The following FGF14 variants were observed in gnomAD, a reference collection of about 807,000 sequenced individuals.
FGF14 encodes fibroblast growth factor 14, also known as fibroblast growth factor homologous factor 4.
A neutral mutation model predicts 25.5 loss-of-function variants in FGF14; 5 were observed. The ratio of observed to expected loss-of-function variants is 0.20; its 90% CI spans 0.10 to 0.41. FGF14 has a LOEUF of 0.41. Among genes scored for constraint, FGF14 ranks in the 10% least tolerant of loss-of-function variants. FGF14 has a pLI of 1.00. For missense variants in FGF14, 222 were observed against 320.1 expected, an observed-to-expected ratio of 0.69 and a Z score of 2.34; for synonymous variants, 138 against 118.3, an observed-to-expected ratio of 1.17 and a Z score of -1.08.
intron 3 of FGF14, among the ~76,000 whole-genome samples, chr13:101,761,858 C>T (rs2038051179): frequency 6.6e-6 from 1 of 152,188 alleles, no homozygotes; most frequent in Non-Finnish European, 1.5e-5. Flanking sequence ...AGTTCATAAT[C>T]TAATGGCTTA....
chr13:102,115,315 T>C (rs1234312440), intron 1 of FGF14, among the ~76,000 whole-genome samples: 1 of 152,180 alleles, frequency 6.6e-6, no homozygotes, highest in Non-Finnish European at 1.5e-5. Context: ...GAAGGCTTTA[T>C]CATATCCATA....
intron 1 of FGF14, among the ~76,000 whole-genome samples, chr13:102,319,287 C>A (rs2056153875): frequency 6.6e-6 from 1 of 152,174 alleles, no homozygotes; most frequent in Admixed American, 6.5e-5. Flanking sequence ...CATCTAGATG[C>A]ATGAATCCAT....
chr13:101,829,272 A>G (rs938981000), intron 3 of FGF14, among the ~76,000 whole-genome samples: 3 of 152,176 alleles, frequency 2.0e-5, no homozygotes, highest in Non-Finnish European at 1.5e-5. Context: ...GATGTCAAAG[A>G]GCAGGGTAAT....
intron 3 of FGF14, among the ~76,000 whole-genome samples, chr13:101,744,843 C>T (rs952327116): frequency 6.6e-5 from 10 of 151,904 alleles, no homozygotes; most frequent in African/African-American, 2.4e-4. Context: ...GAGTGGCTAC[C>T]TTGTGCTAGA....
intron 3 of FGF14, among the ~76,000 whole-genome samples, chr13:101,755,711 G>A (rs543299188): frequency 1.3e-5 from 2 of 152,258 alleles, no homozygotes; most frequent in East Asian, 3.9e-4. Flanking sequence ...CATCTGATTA[G>A]TCTGCAACTG....
intron 1 of FGF14, among the ~76,000 whole-genome samples, chr13:102,127,497 T>C (rs902316003): frequency 1.4e-5 from 2 of 147,348 alleles, no homozygotes; most frequent in Admixed American, 6.8e-5. Context: ...ACTCTTCTTA[T>C]TCTGTAAGAG....
intron 1 of FGF14, among the ~76,000 whole-genome samples, chr13:102,381,500 C>T (rs111959642): frequency 0.031 from 4,667 of 152,182 alleles, 243 homozygotes; most frequent in African/African-American, 0.11. Flanking sequence ...GAGAGCAAGC[C>T]CTCACCAGAC....
intron 1 of FGF14, among the ~76,000 whole-genome samples, chr13:101,940,250 T>C (rs1295891694): frequency 6.6e-6 from 1 of 152,136 alleles, no homozygotes; most frequent in Non-Finnish European, 1.5e-5. Flanking sequence ...AAGAACAGTG[T>C]TTTAAAAGGG....
At chr13:101,980,331 T>C (rs1367686260) in intron 1 of FGF14, among the ~76,000 whole-genome samples, 1 of 137,368 alleles carries the variant, frequency 7.3e-6, no homozygotes, top group East Asian at 2.5e-4. Context: ...TATTATTTAT[T>C]ACCAGAAAAT....
intron 1 of FGF14, among the ~76,000 whole-genome samples, chr13:102,034,494 C>T (rs547403518): frequency 6.6e-6 from 1 of 152,080 alleles, no homozygotes; most frequent in Non-Finnish European, 1.5e-5. Context: ...CATCTTCCTC[C>T]CATCTAATCC....
At chr13:101,767,181 GAATT>G (rs1291324295) in intron 3 of FGF14, among the ~76,000 whole-genome samples, 3 of 152,114 alleles carry the variant, frequency 2.0e-5, no homozygotes, top group African/African-American at 7.2e-5. Flanking sequence ...ATGTGATGAT[GAATT>G]AATATACACT....
intron 1 of FGF14, among the ~76,000 whole-genome samples, chr13:101,949,450 C>T (rs1407782): frequency 0.021 from 3,245 of 152,152 alleles, 97 homozygotes; most frequent in African/African-American, 0.074. Context: ...AGGGGCTGAA[C>T]GAGTGGTTCT....
intron 1 of FGF14, among the ~76,000 whole-genome samples, chr13:102,235,113 C>T (rs1476612476): frequency 6.6e-6 from 1 of 152,194 alleles, no homozygotes; most frequent in East Asian, 1.9e-4. Flanking sequence ...ACAAAGTCTA[C>T]TGCATATATG....
intron 3 of FGF14, among the ~76,000 whole-genome samples, chr13:101,810,689 A>G (rs1215641422): frequency 2.6e-5 from 4 of 152,216 alleles, no homozygotes; most frequent in Admixed American, 1.3e-4. Context: ...TTTGACATCA[A>G]TAACCAACCC....
intron 1 of FGF14, among the ~76,000 whole-genome samples, chr13:102,152,236 A>G (rs2047118496): frequency 6.6e-6 from 1 of 152,204 alleles, no homozygotes; most frequent in South Asian, 2.1e-4. Flanking sequence ...GACTTGGTAA[A>G]GCTCCTAAAC....
At chr13:101,891,641 T>A (rs1420440552) in intron 1 of FGF14, among the ~76,000 whole-genome samples, 2 of 152,110 alleles carry the variant, frequency 1.3e-5, no homozygotes, top group Non-Finnish European at 2.9e-5. Flanking sequence ...ATGCACTAAT[T>A]TTATTTATGT....
intron 1 of FGF14, among the ~76,000 whole-genome samples, chr13:102,322,508 A>G (rs1022358903): frequency 3.9e-5 from 6 of 152,152 alleles, no homozygotes; most frequent in Admixed American, 3.3e-4. Flanking sequence ...TTCACCGACT[A>G]CTGATTGGAC....
chr13:102,175,716 A>C (rs2048418436), intron 1 of FGF14, among the ~76,000 whole-genome samples: 1 of 152,116 alleles, frequency 6.6e-6, no homozygotes, highest in Non-Finnish European at 1.5e-5. Flanking sequence ...AAACAGATAA[A>C]AGAGAAAAAA....
rs1018151016 is a variant in FGF14 at position 101,964,513 on chromosome 13, T to G, written c.209-89217A>C. Among the ~76,000 whole-genome samples the G allele has an allele frequency of 7.2e-5, 11 of 152,208 alleles. No individual in the cohort carries two copies. The South Asian group carries it at 2.3e-3, about 32-fold the overall frequency. ...GTCTTGTGACATTGCCTGACACCCG[T>G]TTTTAGAGCCTCATCATTGTGATAT... On this transcript the variant is annotated intron_variant, in intron 1 of 4. Transcript: ENST00000376131.
Sources: gnomAD v4.1 joint callset for allele counts (sites outside exome capture counted in the v4.1 genomes callset) on GRCh38, gnomAD v4.1.1 for gene constraint, MANE v1.5 for transcripts, NCBI Gene and HGNC (gene_info 2026-07-23, HGNC 2026-07-21) for gene names.